The following DENND2C variants were observed in gnomAD, a reference collection of about 807,000 sequenced individuals.
The protein encoded by DENND2C is DENN domain containing 2C, also known as DENN domain-containing protein 2C.
In DENND2C, 72 loss-of-function variants were observed where a neutral mutation model predicts 112.4. That is an observed-to-expected ratio of 0.64 (90% CI 0.53 to 0.78). The LOEUF (loss-of-function observed/expected upper bound fraction) is 0.78, where lower values mean the gene tolerates loss of function less well. Ranked by LOEUF, DENND2C falls within the 30% of genes least tolerant of loss-of-function variation. DENND2C has a pLI of 0.00. For synonymous variants in DENND2C, 329 were observed against 381.6 expected, an observed-to-expected ratio of 0.86 and a Z score of 1.61; for missense variants, 992 against 1,113.8, an observed-to-expected ratio of 0.89 and a Z score of 1.56.
intron 3 of DENND2C, among the ~76,000 whole-genome samples, chr1:114,644,744 G>A (rs1279430718): frequency 1.3e-5 from 2 of 152,028 alleles, no homozygotes; most frequent in Non-Finnish European, 2.9e-5. Context: ...AAGTTTCGAT[G>A]GCTTTCTAAG....
intron 3 of DENND2C, among the ~76,000 whole-genome samples, chr1:114,632,596 C>G (rs923691813): frequency 3.9e-5 from 6 of 152,156 alleles, no homozygotes; most frequent in Non-Finnish European, 1.5e-5. Context: ...GGCCTGCATT[C>G]AGAGCCAGTG....
At chr1:114,633,263 T>C (rs1357822007) in intron 3 of DENND2C, among the ~76,000 whole-genome samples, 2 of 151,530 alleles carry the variant, frequency 1.3e-5, no homozygotes, top group Non-Finnish European at 2.9e-5. Flanking sequence ...TGGCCAACAT[T>C]GTGAAGCCCC....
At chr1:114,629,088 T>G (rs912996727) in intron 3 of DENND2C, among the ~76,000 whole-genome samples, 7 of 152,260 alleles carry the variant, frequency 4.6e-5, no homozygotes, top group Admixed American at 4.6e-4. Context: ...TCATTTTGTC[T>G]TTTCTTTTAA....
chr1:114,635,851 TAA>T (rs933455792), intron 3 of DENND2C, among the ~76,000 whole-genome samples: 3 of 151,602 alleles, frequency 2.0e-5, no homozygotes, highest in Admixed American at 6.6e-5. Flanking sequence ...ACTAAAAATA[TAA>T]AAAGTAGCCA....
At position 114,583,889 on chromosome 1, in the gene DENND2C, ACTTTCT is replaced by A. The variant is rs769905820; in HGVS notation, c.*1705_*1710del. On this transcript the variant is annotated 3_prime_UTR_variant, in exon 21 of 21. Transcript: ENST00000393274. ...AAAAAACACTGCACCATCACTGAAA[ACTTTCT>A]CTTTCCAATCACTACTACTACTACT... The A allele has an allele frequency of 1.3e-5, 2 of 152,028 alleles. No individual in the cohort carries two copies. Among genetic ancestry groups the A allele is most frequent in the Admixed American group, 6.6e-5 (1 of 15,220 alleles). The allele number at this position is 152,028 out of a possible 1,614,324, so 9.4% of individuals were successfully genotyped here.
intron 3 of DENND2C, among the ~76,000 whole-genome samples, chr1:114,635,318 T>C (rs1656624891): frequency 6.6e-6 from 1 of 151,772 alleles, no homozygotes; most frequent in African/African-American, 2.4e-5. Flanking sequence ...CCAAAGAAAC[T>C]GGAGGAAAAT....
intron 3 of DENND2C, among the ~76,000 whole-genome samples, chr1:114,632,770 T>G (rs1431273705): frequency 6.6e-6 from 1 of 152,158 alleles, no homozygotes; most frequent in Non-Finnish European, 1.5e-5. Context: ...TTGTTTTAAG[T>G]AAACAAAGAA....
At position 114,594,467 on chromosome 1, in the gene DENND2C, T is replaced by C. The variant is rs540851832; in HGVS notation, c.2431+6A>G. 1 of 1,612,022 alleles carries C rather than the reference T, an allele frequency of 6.2e-7. No individual in the cohort carries two copies. Among genetic ancestry groups the C allele is most frequent in the South Asian group, 1.1e-5 (1 of 91,060 alleles). ...ACCTTAAGTCCTTGGCTCACTTGTC[T>C]CATACCTTGTGAAAAATTCTGCTCC... is the stretch of plus-strand genomic sequence containing the variant. On this transcript the variant is annotated splice_donor_region_variant and intron_variant, in intron 18 of 20. Coordinates refer to ENST00000393274, the MANE Select transcript of DENND2C (RefSeq NM_001256404.2).
rs530153275 is a variant in DENND2C at position 114,659,714 on chromosome 1, ATTCCT to A, written c.-573-4958_-573-4954del. ...ATATTGAAAAATATCTGCCCAAGAG[ATTCCT>A]TTCCTTTCCTTTCCTTTTTCCTTTC... On this transcript the variant is annotated intron_variant, in intron 1 of 20. Coordinates refer to ENST00000393274, the MANE Select transcript of DENND2C (RefSeq NM_001256404.2). Among the ~76,000 whole-genome samples the A allele has an allele frequency of 2.2e-3, 328 of 151,088 alleles. 2 individuals carry two copies. Among genetic ancestry groups the A allele is most frequent in the African/African-American group, 7.1e-3 (292 of 41,218 alleles).
chr1:114,604,916 A>G lies in DENND2C; in HGVS notation c.1667+6T>C. On this transcript the variant is annotated splice_donor_region_variant and intron_variant, in intron 11 of 20. Coordinates refer to ENST00000393274, the MANE Select transcript of DENND2C (RefSeq NM_001256404.2). ...GAATAGAAATCAGATAAATTAGCCCATTTACCTCTTGAGTTCTGAGGTTGG... is the reference window on the plus strand; with the variant it reads ...GAATAGAAATCAGATAAATTAGCCCGTTTACCTCTTGAGTTCTGAGGTTGG... The G allele has an allele frequency of 6.3e-7, 1 of 1,599,744 alleles. No individual in the cohort carries two copies. The highest frequency in any genetic ancestry group is 8.6e-7 in the Non-Finnish European group (1 of 1,167,592).
intron 2 of DENND2C, among the ~76,000 whole-genome samples, chr1:114,646,490 T>C (rs941343515): frequency 3.9e-5 from 6 of 152,224 alleles, no homozygotes; most frequent in Non-Finnish European, 7.3e-5. Context: ...GATTCTATTA[T>C]TTAAGATATA....
In DENND2C at chr1:114,625,438, T is replaced by C. The variant is rs765002740; in HGVS notation, c.547A>G (p.Ser183Gly). The C allele has an allele frequency of 6.2e-7, 1 of 1,614,188 alleles. No homozygotes were observed. Among genetic ancestry groups the C allele is most frequent in the South Asian group, 1.1e-5 (1 of 91,082 alleles). Residue 183 changes from serine (S) to glycine (G), a missense_variant, in exon 4 of 21, where the codon AGT becomes GGT. Coordinates refer to ENST00000393274, the MANE Select transcript of DENND2C (RefSeq NM_001256404.2). Reference protein sequence around the residue: ...EKELNFRVLDSSYGITKSLEN... With the variant: ...EKELNFRVLDGSYGITKSLEN... ...AAGCTCTTGGTTATTCCGTATGAAC[T>C]ATCCAGAACTCTGAAGTTCAGTTCT...
At chr1:114,603,806 G>A (rs557198935) in intron 11 of DENND2C, among the ~76,000 whole-genome samples, 1 of 151,986 alleles carries the variant, frequency 6.6e-6, no homozygotes, top group African/African-American at 2.4e-5. Context: ...CAAAGTGCTA[G>A]GATTACAGGT....
chr1:114,624,767 G>A (rs1185137250), intron 4 of DENND2C, among the ~76,000 whole-genome samples: 1 of 151,480 alleles, frequency 6.6e-6, no homozygotes, highest in Admixed American at 6.6e-5. Flanking sequence ...GACTACAGGT[G>A]CACACCACCA....
Position 114,648,959 on chromosome 1 carries a change from C to CT in DENND2C, c.-316-3401dup, listed in dbSNP as rs201491794. On this transcript the variant is annotated intron_variant, in intron 2 of 20. Coordinates refer to ENST00000393274, the MANE Select transcript of DENND2C (RefSeq NM_001256404.2). ...AAATGTCTCTTTTCACATAATTATC[C>CT]TTTTTTTTTTTTGAGACAGAGTCTC... Among the ~76,000 whole-genome samples, 274 of 145,558 alleles carry CT rather than the reference C, an allele frequency of 1.9e-3. 2 individuals carry two copies. Among genetic ancestry groups the CT allele is most frequent in the East Asian group, 0.015 (77 of 5,048 alleles).
At chr1:114,601,428 T>C (rs2101648591) in intron 13 of DENND2C, 80 bp downstream of exon 13, 1 of 1,402,696 alleles carries the variant, frequency 7.1e-7, no homozygotes, top group Non-Finnish European at 9.8e-7. Flanking sequence ...CTTTCTGAAG[T>C]AACATGTTAA....
At chr1:114,623,185 CT>C in intron 5 of DENND2C, 86 bp from the exon 6 acceptor site, 3 of 1,241,530 alleles carry the variant, frequency 2.4e-6, no homozygotes, top group Non-Finnish European at 3.3e-6. Flanking sequence ...AAAAAGCTAA[CT>C]ATGTTCAGCT....
At chr1:114,668,143 T>C (rs1657697340) in intron 1 of DENND2C, among the ~76,000 whole-genome samples, 1 of 152,174 alleles carries the variant, frequency 6.6e-6, no homozygotes, top group African/African-American at 2.4e-5. Context: ...CAAAAAACAA[T>C]GTGAATGTAA....
chr1:114,634,538 G>A (rs1022830884), intron 3 of DENND2C, among the ~76,000 whole-genome samples: 2 of 152,020 alleles, frequency 1.3e-5, no homozygotes, highest in African/African-American at 4.8e-5. Flanking sequence ...TAGACCATAT[G>A]TTGGGCCATA....
Sources: gnomAD v4.1 joint callset for allele counts (sites outside exome capture counted in the v4.1 genomes callset) on GRCh38, gnomAD v4.1.1 for gene constraint, MANE v1.5 for transcripts, NCBI Gene and HGNC (gene_info 2026-07-23, HGNC 2026-07-21) for gene names.